Variants in CTNNA3 observed in about 807,000 individuals in gnomAD.
The protein encoded by CTNNA3 is catenin alpha 3, also known as catenin alpha-3.
In CTNNA3, 76 loss-of-function variants were observed where a neutral mutation model predicts 95.7. The observed-to-expected ratio is 0.79, with a 90% confidence interval of 0.66 to 0.96. The LOEUF (loss-of-function observed/expected upper bound fraction) is 0.96, where lower values mean the gene tolerates loss of function less well. CTNNA3 is among the 40% of genes least tolerant of loss of function. CTNNA3 has a pLI of 0.00. For missense variants in CTNNA3, 1,191 were observed against 1,089.8 expected, an observed-to-expected ratio of 1.09 and a Z score of -1.31; for synonymous variants, 431 against 374.4, an observed-to-expected ratio of 1.15 and a Z score of -1.74.
chr10:66,048,930 T>C, intron 15 of CTNNA3, among the ~76,000 whole-genome samples: 1 of 151,784 alleles, frequency 6.6e-6, no homozygotes. Flanking sequence ...AAAGCAAAAA[T>C]TGACAAGTGG....
intron 13 of CTNNA3, among the ~76,000 whole-genome samples, chr10:66,233,834 T>G (rs1392478349): frequency 2.0e-5 from 3 of 152,206 alleles, no homozygotes; most frequent in African/African-American, 7.2e-5. Flanking sequence ...TACTTAAATG[T>G]GTGTTAAAGC....
intron 1 of CTNNA3, among the ~76,000 whole-genome samples, chr10:67,739,109 T>C (rs1383932586): frequency 6.6e-6 from 1 of 152,096 alleles, no homozygotes. Flanking sequence ...AAGATACTCC[T>C]GGAGAAGAGC....
In CTNNA3 at chr10:67,315,853, A is replaced by T. The variant is rs114214473; in HGVS notation, c.580-95983T>A. Among the ~76,000 whole-genome samples the T allele has an allele frequency of 5.7e-3, 864 of 152,232 alleles. 10 individuals carry two copies. The highest frequency in any genetic ancestry group is 0.019 in the African/African-American group (781 of 41,554). Reference sequence around the variant, plus strand: ...TTTATAGAAAATCACTAGTGATTGCACTGCTTTAATATGTTAACTTTGTGC... The same window carrying T: ...TTTATAGAAAATCACTAGTGATTGCTCTGCTTTAATATGTTAACTTTGTGC... On this transcript the variant is annotated intron_variant, in intron 5 of 17. Coordinates refer to ENST00000433211, the MANE Select transcript of CTNNA3 (RefSeq NM_013266.4).
At chr10:66,111,522 G>A (rs899860240) in intron 13 of CTNNA3, among the ~76,000 whole-genome samples, 5 of 152,194 alleles carry the variant, frequency 3.3e-5, no homozygotes, top group South Asian at 4.1e-4. Flanking sequence ...TGTCATGCAC[G>A]GCATGGCCGT....
rs577473810 is a variant in CTNNA3, at chr10:66,293,432, A to AG, written c.1733-12812dup. 1.3e-3 allele frequency among the ~76,000 whole-genome samples: 156 copies of AG among 118,478 alleles called. 1 individual carries two copies. Among genetic ancestry groups the AG allele is most frequent in the South Asian group, 7.2e-3 (28 of 3,916 alleles). 77.7% of individuals were successfully genotyped at this position (118,478 alleles called of 152,430 possible). ...GTAATATCTATCAATGTAGTAAAAC[A>AG]GGGAAAAAAAAGCTAAAAGTTAGAT... On this transcript the variant is annotated intron_variant, in intron 12 of 17. Transcript: ENST00000433211.
intron 9 of CTNNA3, among the ~76,000 whole-genome samples, chr10:66,738,653 C>A (rs377744500): frequency 1.3e-5 from 2 of 152,148 alleles, no homozygotes; most frequent in Non-Finnish European, 2.9e-5. Flanking sequence ...CCCATATACA[C>A]GTTTCATGTA....
intron 10 of CTNNA3, among the ~76,000 whole-genome samples, chr10:66,575,976 A>C (rs1842991865): frequency 6.6e-6 from 1 of 152,108 alleles, no homozygotes; most frequent in Non-Finnish European, 1.5e-5. Context: ...TGTTAAGTAA[A>C]GTTCAGCTGG....
intron 2 of CTNNA3, among the ~76,000 whole-genome samples, chr10:67,619,991 A>G (rs1232371761): frequency 6.6e-6 from 1 of 151,878 alleles, no homozygotes; most frequent in Non-Finnish European, 1.5e-5. Context: ...AACATCCTAG[A>G]TACCATGAAA....
intron 13 of CTNNA3, among the ~76,000 whole-genome samples, chr10:66,259,570 C>A (rs1201857515): frequency 6.6e-6 from 1 of 152,102 alleles, no homozygotes; most frequent in Non-Finnish European, 1.5e-5. Flanking sequence ...TAACTTCACC[C>A]TGCACTCTTC....
chr10:66,295,229 G>A, intron 12 of CTNNA3, among the ~76,000 whole-genome samples: 1 of 152,150 alleles, frequency 6.6e-6, no homozygotes, highest in East Asian at 1.9e-4. Context: ...CCTAAGACTT[G>A]TCTTTTTTTT....
chr10:67,710,391 A>G (rs985315086), intron 1 of CTNNA3, among the ~76,000 whole-genome samples: 6 of 152,212 alleles, frequency 3.9e-5, no homozygotes, highest in Non-Finnish European at 1.5e-5. Context: ...TTAATCCTGA[A>G]GAGAATGGAT....
At chr10:66,813,221 A>G (rs1841949674) in intron 7 of CTNNA3, among the ~76,000 whole-genome samples, 1 of 152,194 alleles carries the variant, frequency 6.6e-6, no homozygotes, top group Non-Finnish European at 1.5e-5. Flanking sequence ...TTAATCTAAG[A>G]CAGCCTTCTC....
At chr10:66,181,966 T>C (rs539521413) in intron 13 of CTNNA3, among the ~76,000 whole-genome samples, 1 of 152,316 alleles carries the variant, frequency 6.6e-6, no homozygotes, top group East Asian at 1.9e-4. Context: ...TATCATATTG[T>C]TCAAACTGGA....
At chr10:67,596,965 T>C (rs926543335) in intron 3 of CTNNA3, among the ~76,000 whole-genome samples, 2 of 152,234 alleles carry the variant, frequency 1.3e-5, no homozygotes, top group African/African-American at 2.4e-5. Flanking sequence ...TCCTTTTTTG[T>C]CTTTTTCCTT....
At chr10:66,835,815 A>G (rs1475087067) in intron 7 of CTNNA3, among the ~76,000 whole-genome samples, 2 of 152,156 alleles carry the variant, frequency 1.3e-5, no homozygotes, top group African/African-American at 4.8e-5. Flanking sequence ...TTTAGCATAC[A>G]TCAAATTCAC....
chr10:65,955,633 C>A (rs1010516043), intron 17 of CTNNA3, among the ~76,000 whole-genome samples: 7 of 152,152 alleles, frequency 4.6e-5, no homozygotes, highest in African/African-American at 1.7e-4. Flanking sequence ...TTTTCTGCAT[C>A]TATTGAGACA....
intron 17 of CTNNA3, among the ~76,000 whole-genome samples, chr10:65,952,079 G>A (rs79490943): frequency 0.03 from 4,444 of 146,308 alleles, 87 homozygotes; most frequent in Middle Eastern, 0.077. Flanking sequence ...TTTATAAAAT[G>A]AATATGAGAT....
chr10:67,696,462 C>T (rs1176761268), upstream of CTNNA3, among the ~76,000 whole-genome samples: 2 of 152,108 alleles, frequency 1.3e-5, no homozygotes, highest in Non-Finnish European at 2.9e-5. Context: ...CCAGGAAATC[C>T]TCACATCAAA....
chr10:66,333,439 C>T (rs181467971), intron 12 of CTNNA3, among the ~76,000 whole-genome samples: 2,298 of 151,984 alleles, frequency 0.015, 52 homozygotes, highest in African/African-American at 0.053. Context: ...TCTTTGTTCT[C>T]GTTGGTTTCA....
Sources: gnomAD v4.1 joint callset for allele counts (sites outside exome capture counted in the v4.1 genomes callset) on GRCh38, gnomAD v4.1.1 for gene constraint, MANE v1.5 for transcripts, NCBI Gene and HGNC (gene_info 2026-07-23, HGNC 2026-07-21) for gene names.